BIRC6: variants seen among roughly 807,000 people sequenced by gnomAD.
BIRC6 encodes the protein baculoviral IAP repeat containing 6, also known as dual E2 ubiquitin-conjugating enzyme/E3 ubiquitin-protein ligase BIRC6.
In BIRC6, 98 loss-of-function variants were observed where a neutral mutation model predicts 503.3. That is an observed-to-expected ratio of 0.19 (90% confidence interval 0.17 to 0.23). The LOEUF (loss-of-function observed/expected upper bound fraction) is 0.23. BIRC6 is among the 10% of genes least tolerant of loss of function. The pLI is 1.00. For missense variants in BIRC6, 5,360 were observed against 5,806.0 expected (o/e 0.92, Z 2.50); for synonymous variants, 2,240 against 2,078.7 (o/e 1.08, Z -2.11).
At chr2:32,586,089 T>C (rs2151256442) in intron 66 of BIRC6, among the ~76,000 whole-genome samples, 1 of 152,270 alleles carries the variant, frequency 6.6e-6, no homozygotes, top group South Asian at 2.1e-4. Flanking sequence ...ACCCATAGTC[T>C]AGCTACTTCT....
intron 31 of BIRC6, 50 bp downstream of exon 31, chr2:32,470,351 A>G (rs2048980940): frequency 4.9e-6 from 7 of 1,416,162 alleles, no homozygotes; most frequent in Non-Finnish European, 6.6e-6. Context: ...TCCTGCAAAT[A>G]TTTCTTTTAT....
In BIRC6 at chr2:32,416,137, C is replaced by T. The variant is rs2042349608; in HGVS notation, c.2846C>T (p.Thr949Ile). 3 of 1,609,882 alleles carry T rather than the reference C, an allele frequency of 1.9e-6. No individual in the cohort carries two copies. Among genetic ancestry groups the T allele is most frequent in the African/African-American group, 1.3e-5 (1 of 74,752 alleles). ...TFVSVIYCSG[T>I]DRLCACTKGG... ...GTTTCTGTGATTTACTGTTCTGGCA[C>T]AGACAGGCTGTGTGCATGCACCAAA... The change falls in exon 10 of 74, where the codon ACA (threonine) becomes ATA (isoleucine). Residue 949 changes from threonine (T) to isoleucine (I), a missense_variant. This residue lies in a region of BIRC6 where 700 missense variants were observed against 739.3 expected (regional missense o/e 0.95). Transcript: ENST00000421745.
rs564110787 is a variant in BIRC6, at chr2:32,544,614, T to G, written c.12593-1029T>G. Among the ~76,000 whole-genome samples, 4 of 151,878 alleles carry G rather than the reference T, an allele frequency of 2.6e-5. No homozygotes were observed. In the South Asian group the frequency reaches 8.3e-4, roughly 31 times the overall value. On this transcript the variant is annotated intron_variant, in intron 62 of 73. Transcript: ENST00000421745. The stretch of plus-strand genomic sequence containing the variant: ...AGGGTCGATTTCTTTCACATGCCAT[T>G]TAGAAAGAATAAAATGTTAAGTTCT...
intron 37 of BIRC6, among the ~76,000 whole-genome samples, chr2:32,480,502 A>T (rs976335310): frequency 6.6e-6 from 1 of 151,512 alleles, no homozygotes; most frequent in African/African-American, 2.4e-5. Flanking sequence ...GATAGGAATG[A>T]TGGAAAAGTA....
chr2:32,529,456 T>C (rs1335292158), intron 59 of BIRC6, 195 bp from the exon 60 acceptor site: 2 of 483,770 alleles, frequency 4.1e-6, no homozygotes, highest in African/African-American at 2.0e-5. Context: ...TTCACAGACA[T>C]TATTGTTCAT....
intron 15 of BIRC6, among the ~76,000 whole-genome samples, chr2:32,436,597 T>A (rs1205920339): frequency 6.6e-6 from 1 of 152,188 alleles, no homozygotes; most frequent in African/African-American, 2.4e-5. Flanking sequence ...TTTTTGTTTT[T>A]TTGAGACAGT....
Position 32,507,982 on chromosome 2 carries a change from T to G in BIRC6, c.9703T>G (p.Cys3235Gly). 6.2e-7 allele frequency: 1 copy of G among 1,611,754 alleles called. No homozygotes were observed. Among genetic ancestry groups the G allele is most frequent in the Non-Finnish European group, 8.5e-7 (1 of 1,178,626 alleles). The change falls in exon 51 of 74, where the codon TGC becomes GGC. Residue 3235 changes from cysteine (C) to glycine (G), a missense_variant and splice_region_variant. By Grantham distance (159) the Cys-to-Gly change is radical (BLOSUM62 -3). Transcript: ENST00000421745. ...GATTCAGTTTTCTCTTTTTATAGCC[T>G]GCCCTTCCTCAGTGTCTGTTGAAGT... ...IQPHLASLAT[C>G]PSSVSVEVSA...
At chr2:32,472,912 G>C in intron 32 of BIRC6, 200 bp from the exon 33 acceptor site, 1 of 434,490 alleles carries the variant, frequency 2.3e-6, no homozygotes, top group South Asian at 3.7e-5. Context: ...AAATGATTTA[G>C]GGTCTACATT....
At chr2:32,568,447 AC>A (rs2059684053) in intron 65 of BIRC6, among the ~76,000 whole-genome samples, 1 of 146,094 alleles carries the variant, frequency 6.8e-6, no homozygotes, top group Non-Finnish European at 1.5e-5. Context: ...TGCAATGGTT[AC>A]ACCATTGCAC....
intron 66 of BIRC6, among the ~76,000 whole-genome samples, chr2:32,577,724 A>G (rs1368979801): frequency 6.6e-6 from 1 of 152,196 alleles, no homozygotes; most frequent in African/African-American, 2.4e-5. Context: ...TTGAGAAAGG[A>G]ATCTTCTTTA....
intron 42 of BIRC6, among the ~76,000 whole-genome samples, chr2:32,489,722 T>G (rs1055715562): frequency 6.6e-6 from 1 of 152,132 alleles, no homozygotes; most frequent in African/African-American, 2.4e-5. Context: ...GTTGCCAGTT[T>G]TGTAGAGTGT....
chr2:32,551,862 C>T (rs2058447682), intron 65 of BIRC6, among the ~76,000 whole-genome samples: 1 of 152,014 alleles, frequency 6.6e-6, no homozygotes, highest in Non-Finnish European at 1.5e-5. Context: ...AGAATGTAAC[C>T]ATTTATTTTA....
At position 32,499,684 on chromosome 2, in the gene BIRC6, A is replaced by G. The variant is rs2052923269; in HGVS notation, c.8606A>G (p.His2869Arg). Residue 2869 changes from histidine (H) to arginine (R), a missense_variant, in exon 46 of 74, where the codon CAC becomes CGC. His to Arg is a conservative substitution (Grantham distance 29). Transcript: ENST00000421745. ...GAATCGGTTACATTTTTAGTGCACC[A>G]CTATATCACTTGCTCAGACAAAGTA... ...VIESVTFLVH[H>R]YITCSDKVMS... is the part of the protein sequence containing the mutation. The G allele has an allele frequency of 1.2e-6, 2 of 1,613,998 alleles. No homozygotes were observed. The highest frequency in any genetic ancestry group is 2.2e-5 in the East Asian group (1 of 44,886).
At chr2:32,560,176 A>G (rs1475135556) in intron 65 of BIRC6, among the ~76,000 whole-genome samples, 3 of 152,226 alleles carry the variant, frequency 2.0e-5, no homozygotes, top group Non-Finnish European at 4.4e-5. Context: ...GAAATACAAA[A>G]AACTTGATAT....
chr2:32,490,772 A>T (rs2051607101), intron 43 of BIRC6, among the ~76,000 whole-genome samples: 1 of 152,208 alleles, frequency 6.6e-6, no homozygotes, highest in South Asian at 2.1e-4. Context: ...CTTTGTACTT[A>T]AAAATGATTT....
At chr2:32,378,521 G>C (rs2037166943) in intron 2 of BIRC6, among the ~76,000 whole-genome samples, 1 of 151,278 alleles carries the variant, frequency 6.6e-6, no homozygotes, top group East Asian at 1.9e-4. Flanking sequence ...GCAGTGGCTT[G>C]ACCTTGGCTC....
In BIRC6 at chr2:32,543,444, T is replaced by G. The variant is rs777290269; in HGVS notation, c.12495T>G (p.Leu4165=). The G allele has an allele frequency of 1.2e-6, 2 of 1,613,912 alleles. No individual in the cohort carries two copies. Among genetic ancestry groups the G allele is most frequent in the Non-Finnish European group, 1.7e-6 (2 of 1,179,892 alleles). The part of the protein sequence containing the change: ...AHSLAAFGLF[L]RLPGYAEVLL... ...CTTTGGCTGCTTTTGGATTATTTCT[T>G]CGTCTTCCGGGCTATGCGGAAGTGC... Residue 4165 remains leucine, a synonymous_variant, in exon 62 of 74, where the codon CTT becomes CTG. Transcript: ENST00000421745.
chr2:32,457,117 T>C (rs748451615), intron 23 of BIRC6, among the ~76,000 whole-genome samples: 10 of 152,222 alleles, frequency 6.6e-5, no homozygotes, highest in Non-Finnish European at 1.3e-4. Context: ...GTCTGATGTT[T>C]ACTTAGCTAA....
At chr2:32,365,867 TTTTAATTTAA>T (rs529754115) in intron 1 of BIRC6, among the ~76,000 whole-genome samples, 13 of 151,992 alleles carry the variant, frequency 8.6e-5, no homozygotes, top group African/African-American at 2.2e-4. Context: ...TTATTTTATT[TTTTAATTTAA>T]TTTAATTTAA....
Sources: allele counts gnomAD v4.1 joint callset (sites outside exome capture counted in the v4.1 genomes callset), GRCh38; gene constraint gnomAD v4.1.1; regional missense constraint gnomAD v4.1.1; transcripts MANE v1.5; gene names NCBI Gene and HGNC (gene_info 2026-07-23, HGNC 2026-07-21).